TP73: variants seen among roughly 807,000 people sequenced by gnomAD.
TP73 encodes p53-like transcription factor.
In TP73, 25 loss-of-function variants were observed where a neutral mutation model predicts 62.5. That is an observed-to-expected ratio of 0.40 (90% CI 0.29 to 0.56). The LOEUF (loss-of-function observed/expected upper bound fraction) is 0.56. TP73 is among the 20% of genes least tolerant of loss of function. TP73 has a pLI of 0.46. For synonymous variants in TP73, 423 were observed against 377.5 expected, an observed-to-expected ratio of 1.12 and a Z score of -1.40; for missense variants, 754 against 913.3, an observed-to-expected ratio of 0.83 and a Z score of 2.25.
intron 4 of TP73, among the ~76,000 whole-genome samples, chr1:3,710,414 G>A (rs903986951): frequency 1.3e-5 from 2 of 152,158 alleles, no homozygotes; most frequent in African/African-American, 4.8e-5. Flanking sequence ...GTGCAGAACG[G>A]GGCCGCCGGG....
rs975009052 is a variant in TP73, at chr1:3,672,686, T to C, written c.-33-9647T>C. ...CCTCCCTTAGTGACAGATCTGCTCC[T>C]ACCACCCCCGCCAGGGTCGCCCTTC... On this transcript the variant is annotated intron_variant, in intron 1 of 13. Coordinates refer to ENST00000378295, the MANE Select transcript of TP73 (RefSeq NM_005427.4). This position sits in a 1 kb window ranked among gnomAD's most constrained non-coding sequence, Gnocchi z 5.3. Among the ~76,000 whole-genome samples the C allele has an allele frequency of 6.6e-6, 1 of 151,632 alleles. No individual in the cohort carries two copies. Among genetic ancestry groups the C allele is most frequent in the Non-Finnish European group, 1.5e-5 (1 of 67,928 alleles).
rs560722386 is a variant in TP73 at position 3,723,069 on chromosome 1, C to T, written c.617-285C>T. Among the ~76,000 whole-genome samples the T allele has an allele frequency of 3.8e-4, 57 of 150,980 alleles. 1 individual carries two copies. Among genetic ancestry groups the T allele is most frequent in the Admixed American group, 3.3e-3 (50 of 15,186 alleles). The stretch of plus-strand genomic sequence containing the variant: ...TGGCATGCAGCTGGGCACCTCTCTG[C>T]ACCTGGCACTGGGCTGGGCACCTCT... On this transcript the variant is annotated intron_variant, in intron 5 of 13. Coordinates refer to ENST00000378295, the MANE Select transcript of TP73 (RefSeq NM_005427.4).
At chr1:3,661,341 T>A (rs1644982661) in intron 1 of TP73, among the ~76,000 whole-genome samples, 1 of 152,164 alleles carries the variant, frequency 6.6e-6, no homozygotes, top group African/African-American at 2.4e-5. Context: ...TATGAAATAA[T>A]ACTTAATTCT....
chr1:3,655,424 A>G (rs906609013), intron 1 of TP73, among the ~76,000 whole-genome samples: 4 of 152,224 alleles, frequency 2.6e-5, no homozygotes, highest in African/African-American at 9.6e-5. Flanking sequence ...TGTGTGTTTC[A>G]TGTAACGAGC....
chr1:3,673,409 A>G (rs1046086630), intron 1 of TP73, among the ~76,000 whole-genome samples: 12 of 152,112 alleles, frequency 7.9e-5, no homozygotes, highest in African/African-American at 2.9e-4. Flanking sequence ...TGGCAACTCG[A>G]TACGGTTTAT....
rs972259425 is a variant in TP73, at chr1:3,720,934, C to G, written c.430-1087C>G. ...GGGACATTCTCCAGGGCACTTGCGG[C>G]TGCAGTGACTTGTGATTCTGAGTCA... On this transcript the variant is annotated intron_variant, in intron 4 of 13. Coordinates refer to ENST00000378295, the MANE Select transcript of TP73 (RefSeq NM_005427.4). Among the ~76,000 whole-genome samples, 40 of 152,246 alleles carry G rather than the reference C, an allele frequency of 2.6e-4. 1 individual carries two copies. The highest frequency in any genetic ancestry group is 2.0e-3 in the Admixed American group (31 of 15,290).
chr1:3,716,040 G>C (rs1044715887), intron 4 of TP73, among the ~76,000 whole-genome samples: 1 of 152,196 alleles, frequency 6.6e-6, no homozygotes, highest in African/African-American at 2.4e-5. Context: ...ATGGCTCAAG[G>C]TCGTGGTGGG....
At chr1:3,718,127 A>T (rs1341617292) in intron 4 of TP73, among the ~76,000 whole-genome samples, 1 of 152,114 alleles carries the variant, frequency 6.6e-6, no homozygotes. Flanking sequence ...CTCCAGTCCG[A>T]GCCCCCACTT....
intron 4 of TP73, chr1:3,708,626 C>T (rs1639873185): frequency 6.6e-6 from 1 of 152,348 alleles, no homozygotes; most frequent in African/African-American, 2.4e-5. Context: ...ACTGAGCTGC[C>T]CTGCCCAGAC....
At chr1:3,690,795 C>T (rs1645796890) in intron 3 of TP73, 3 of 1,526,924 alleles carry the variant, frequency 2.0e-6, no homozygotes, top group Non-Finnish European at 2.6e-6. Flanking sequence ...CCGCTCGGTC[C>T]ACGCTGCCGG....
intron 6 of TP73, among the ~76,000 whole-genome samples, chr1:3,725,018 CAA>C (rs777200762): frequency 1.1e-4 from 13 of 121,216 alleles, no homozygotes; most frequent in Non-Finnish European, 1.4e-4. Context: ...GACTCCGTCT[CAA>C]AAAAAAAAAA....
chr1:3,729,544 C>T, intron 10 of TP73, 96 bp downstream of exon 10: 1 of 1,588,664 alleles, frequency 6.3e-7, no homozygotes, highest in Non-Finnish European at 8.6e-7. Context: ...CTCCAGAAGG[C>T]ATCATCTGCC....
At chr1:3,695,931 G>A (rs560678527) in intron 3 of TP73, among the ~76,000 whole-genome samples, 1 of 152,384 alleles carries the variant, frequency 6.6e-6, no homozygotes, top group Non-Finnish European at 1.5e-5. Context: ...TATGAGGGAA[G>A]GGGTGGGGGA....
Position 3,663,104 on chromosome 1 carries a change from G to C in TP73, c.-34+10463G>C. 6.6e-6 allele frequency among the ~76,000 whole-genome samples: 1 copy of C among 152,252 alleles called. No homozygotes were observed. Among genetic ancestry groups the C allele is most frequent in the East Asian group, 1.9e-4 (1 of 5,170 alleles). ...CACAGATGGGGAGGCTGAAGCCTGG[G>C]AGATCAATTCATGCCACCAAGATCA... On this transcript the variant is annotated intron_variant, in intron 1 of 13. Coordinates refer to ENST00000378295, the MANE Select transcript of TP73 (RefSeq NM_005427.4). The surrounding 1 kb of genome is among the most constrained non-coding windows in gnomAD (Gnocchi z 4.7).
At chr1:3,713,001 G>A (rs566357656) in intron 4 of TP73, among the ~76,000 whole-genome samples, 2 of 152,282 alleles carry the variant, frequency 1.3e-5, no homozygotes, top group African/African-American at 4.8e-5. Context: ...GGGCCCCCAG[G>A]GGAACCAGTG....
intron 3 of TP73, among the ~76,000 whole-genome samples, chr1:3,698,860 A>C (rs1358554451): frequency 1.3e-5 from 2 of 152,202 alleles, no homozygotes; most frequent in East Asian, 3.8e-4. Context: ...AGACGGGCTC[A>C]GCCGCTGCGG....
rs1416558942 is a variant in TP73, at chr1:3,727,712, C to T, written c.927C>T (p.Tyr309=). 11 of 1,574,586 alleles carry T rather than the reference C, an allele frequency of 7.0e-6. No individual in the cohort carries two copies. Among genetic ancestry groups the T allele is most frequent in the Non-Finnish European group, 8.6e-6 (10 of 1,161,986 alleles). ...GRDRKADEDH[Y]REQQALNESS... Reference sequence around the variant, plus strand: ...ACCGAAAAGCTGATGAGGACCACTACCGGGAGCAGCAGGCCCTGAACGAGA... The same window carrying T: ...ACCGAAAAGCTGATGAGGACCACTATCGGGAGCAGCAGGCCCTGAACGAGA... Residue 309 remains tyrosine (Y), a synonymous_variant, in exon 8 of 14, where the codon TAC becomes TAT. Coordinates refer to ENST00000378295, the MANE Select transcript of TP73 (RefSeq NM_005427.4).
Position 3,733,401 on chromosome 1 carries a change from C to T in TP73, c.*322C>T, listed in dbSNP as rs982041126. 8 of 413,286 alleles carry T rather than the reference C, an allele frequency of 1.9e-5. No individual in the cohort carries two copies. The highest frequency in any genetic ancestry group is 1.0e-4 in the African/African-American group (5 of 50,100). 25.6% of individuals were successfully genotyped at this position (413,286 alleles called of 1,614,324 possible). On this transcript the variant is annotated 3_prime_UTR_variant, in exon 14 of 14. Coordinates refer to ENST00000378295, the MANE Select transcript of TP73 (RefSeq NM_005427.4). The stretch of plus-strand genomic sequence containing the variant: ...CAGGCGTGGGTGGGGACCGCAGCGT[C>T]GGCTCCGACTTCCAGGCTTCATCCT...
intron 3 of TP73, among the ~76,000 whole-genome samples, chr1:3,705,995 T>A (rs940963536): frequency 6.6e-6 from 1 of 152,130 alleles, no homozygotes; most frequent in Non-Finnish European, 1.5e-5. Flanking sequence ...CACCCTCCTG[T>A]GCGGGCAGTG....
Sources: allele counts gnomAD v4.1 joint callset (sites outside exome capture counted in the v4.1 genomes callset), GRCh38; gene constraint gnomAD v4.1.1; non-coding constraint Gnocchi (gnomAD v3.1); transcripts MANE v1.5; gene names NCBI Gene and HGNC (gene_info 2026-07-23, HGNC 2026-07-21).